The following TNFRSF13B variants were observed in gnomAD, a reference collection of about 807,000 sequenced individuals.
TNFRSF13B encodes the protein TNF receptor superfamily member 13B.
In TNFRSF13B, 34 loss-of-function variants were observed where a neutral mutation model predicts 24.0. The observed-to-expected ratio is 1.41, with a 90% CI of 1.08 to 1.88. The LOEUF (loss-of-function observed/expected upper bound fraction) is 1.88. Ranked by LOEUF, TNFRSF13B falls within the 40% of genes most tolerant of loss-of-function variation. The pLI is 0.00. For missense variants in TNFRSF13B, 415 were observed against 380.8 expected, an observed-to-expected ratio of 1.09 and a Z score of -0.75; for synonymous variants, 173 against 150.3, an observed-to-expected ratio of 1.15 and a Z score of -1.10.
intron 1 of TNFRSF13B, 100 bp downstream of exon 1, chr17:16,971,914 TG>T: frequency 8.4e-7 from 1 of 1,191,208 alleles, no homozygotes; most frequent in Non-Finnish European, 1.3e-6. Flanking sequence ...GGATCTGCTG[TG>T]GGCTTTGCAC....
At chr17:16,960,582 T>A (rs559085371) in intron 1 of TNFRSF13B, among the ~76,000 whole-genome samples, 1 of 152,334 alleles carries the variant, frequency 6.6e-6, no homozygotes, top group East Asian at 1.9e-4. Context: ...TGAAATTGAA[T>A]GCTTACCTAA....
intron 3 of TNFRSF13B, 130 bp downstream of exon 3, chr17:16,948,608 T>G: frequency 1.5e-6 from 2 of 1,307,218 alleles, no homozygotes; most frequent in Non-Finnish European, 2.2e-6. Flanking sequence ...ATGATCTCCC[T>G]GGCTTCTGGC....
chr17:16,971,875 T>A, intron 1 of TNFRSF13B, 140 bp downstream of exon 1: 2 of 828,260 alleles, frequency 2.4e-6, no homozygotes, highest in East Asian at 5.2e-5. Flanking sequence ...GTGCAGGAGC[T>A]TGGGGAGGCT....
At chr17:16,953,812 A>C (rs1341074186) in intron 1 of TNFRSF13B, among the ~76,000 whole-genome samples, 1 of 152,024 alleles carries the variant, frequency 6.6e-6, no homozygotes, top group Non-Finnish European at 1.5e-5. Context: ...TCTGTTGCCC[A>C]GGCTGGAGTG....
intron 3 of TNFRSF13B, among the ~76,000 whole-genome samples, chr17:16,941,779 C>G (rs559630619): frequency 3.7e-4 from 57 of 152,196 alleles, no homozygotes; most frequent in African/African-American, 1.3e-3. Flanking sequence ...TTCCCTCTTC[C>G]CAGCCCCTGG....
rs566679122 is a variant in TNFRSF13B at position 16,951,543 on chromosome 17, G to A, written c.199+903C>T. Among the ~76,000 whole-genome samples the A allele has an allele frequency of 3.7e-4, 56 of 152,316 alleles. No individual in the cohort carries two copies. In the South Asian group the frequency reaches 8.3e-3, roughly 23 times the overall value. ...TTTGGATTATGTTTCACAGGTTTTC[G>A]TGGTCCAGTATCTGCAGGTAAAATT... On this transcript the variant is annotated intron_variant, in intron 2 of 4. Coordinates refer to ENST00000261652, the MANE Select transcript of TNFRSF13B (RefSeq NM_012452.3).
chr17:16,967,401 A>G (rs1199274664), intron 1 of TNFRSF13B, among the ~76,000 whole-genome samples: 1 of 152,108 alleles, frequency 6.6e-6, no homozygotes. Context: ...TTTTGAAAAA[A>G]GGGGGAAATT....
At chr17:16,965,709 G>T (rs961841340) in intron 1 of TNFRSF13B, among the ~76,000 whole-genome samples, 4 of 152,122 alleles carry the variant, frequency 2.6e-5, no homozygotes, top group African/African-American at 9.7e-5. Flanking sequence ...TCAACACTTG[G>T]GAGAGAGGAT....
chr17:16,948,660 T>C (rs1262794446), intron 3 of TNFRSF13B, 78 bp downstream of exon 3: 3 of 1,604,408 alleles, frequency 1.9e-6, no homozygotes, highest in Non-Finnish European at 2.6e-6. Context: ...TGGACTCTCC[T>C]GTTCTAGGCC....
chr17:16,958,868 G>T (rs556115604), intron 1 of TNFRSF13B, among the ~76,000 whole-genome samples: 2 of 151,992 alleles, frequency 1.3e-5, no homozygotes, highest in African/African-American at 4.8e-5. Flanking sequence ...ACTAATATTG[G>T]GATATTTCAG....
chr17:16,949,009 G>T, intron 2 of TNFRSF13B, 26 bp from the exon 3 acceptor site: 1 of 1,613,698 alleles, frequency 6.2e-7, no homozygotes. Flanking sequence ...TCATGATACT[G>T]CTGGGTGACA....
chr17:16,939,387 C>A lies in TNFRSF13B; in HGVS notation c.*160G>T. 1 of 844,984 alleles carries A rather than the reference C, an allele frequency of 1.2e-6. No individual in the cohort carries two copies. The highest frequency in any genetic ancestry group is 1.7e-6 in the Non-Finnish European group (1 of 575,486). The allele number at this position is 844,984 out of a possible 1,614,324, so 52.3% of individuals were successfully genotyped here. A position where few individuals can be genotyped will look rare whatever the true frequency, so the allele number is the denominator to read the frequency against. ...TGCCTCTCTTCCCCTCTGTCTCTCTCTCCCTCTGTCTCTCTCTCCCTCTCT... is the reference window on the plus strand; with the variant it reads ...TGCCTCTCTTCCCCTCTGTCTCTCTATCCCTCTGTCTCTCTCTCCCTCTCT... On this transcript the variant is annotated 3_prime_UTR_variant, in exon 5 of 5. Transcript: ENST00000261652.
At chr17:16,943,763 T>A (rs957428817) in intron 3 of TNFRSF13B, among the ~76,000 whole-genome samples, 2 of 152,236 alleles carry the variant, frequency 1.3e-5, no homozygotes, top group East Asian at 3.8e-4. Context: ...AACCCCCATG[T>A]TGGGGGACAG....
Position 16,972,108 on chromosome 17 carries a change from G to T in TNFRSF13B, c.-33C>A, listed in dbSNP as rs757726374. 1.9e-6 allele frequency: 3 copies of T among 1,612,918 alleles called. No homozygotes were observed. Among genetic ancestry groups the T allele is most frequent in the East Asian group, 4.5e-5 (2 of 44,874 alleles). On this transcript the variant is annotated 5_prime_UTR_variant, in exon 1 of 5. Transcript: ENST00000261652. Reference sequence around the variant, plus strand: ...GATGCTTATTACTAGTCTTAGATTTGATTAGTGCTTGGGCTGCACTTCCTG... The same window carrying T: ...GATGCTTATTACTAGTCTTAGATTTTATTAGTGCTTGGGCTGCACTTCCTG...
intron 1 of TNFRSF13B, among the ~76,000 whole-genome samples, chr17:16,960,446 AT>A (rs917609867): frequency 3.4e-4 from 52 of 152,322 alleles, no homozygotes; most frequent in African/African-American, 1.2e-3. Context: ...AGAGCATAAG[AT>A]TATCTCTGTT....
chr17:16,962,605 A>G (rs2087670474), intron 1 of TNFRSF13B, among the ~76,000 whole-genome samples: 1 of 152,222 alleles, frequency 6.6e-6, no homozygotes, highest in Admixed American at 6.5e-5. Context: ...TTATATTGTC[A>G]TAAATAAATG....
At chr17:16,954,910 C>G (rs1399901347) in intron 1 of TNFRSF13B, among the ~76,000 whole-genome samples, 1 of 152,196 alleles carries the variant, frequency 6.6e-6, no homozygotes, top group Non-Finnish European at 1.5e-5. Context: ...TCCTGGACAG[C>G]CAGTCTCCCC....
At chr17:16,955,808 A>G (rs1167054994) in intron 1 of TNFRSF13B, among the ~76,000 whole-genome samples, 1 of 152,240 alleles carries the variant, frequency 6.6e-6, no homozygotes, top group Non-Finnish European at 1.5e-5. Context: ...GGAACTGTGG[A>G]GTTGTCCAGG....
At chr17:16,939,963 T>A in intron 4 of TNFRSF13B, 166 bp from the exon 5 acceptor site, 1 of 1,112,962 alleles carries the variant, frequency 9.0e-7, no homozygotes, top group Non-Finnish European at 1.2e-6. Context: ...GACCAGAACC[T>A]GTGCCGGGGC....
Sources: allele counts gnomAD v4.1 joint callset (sites outside exome capture counted in the v4.1 genomes callset), GRCh38; gene constraint gnomAD v4.1.1; transcripts MANE v1.5; gene names NCBI Gene and HGNC (gene_info 2026-07-23, HGNC 2026-07-21).